Variants in SWT1 observed in about 807,000 individuals in gnomAD.
SWT1 encodes SWT1 RNA endoribonuclease homolog.
Under a neutral mutation model 107.3 loss-of-function variants are expected in SWT1, and 33 were observed. The ratio of observed to expected loss-of-function variants is 0.31; its 90% confidence interval spans 0.23 to 0.41. SWT1 has a LOEUF of 0.41. SWT1 is among the 10% of genes least tolerant of loss of function. SWT1 has a pLI of 1.00. For missense variants in SWT1, 898 were observed against 1,028.9 expected, an observed-to-expected ratio of 0.87 and a Z score of 1.74; for synonymous variants, 345 against 348.3, an observed-to-expected ratio of 0.99 and a Z score of 0.11.
intron 15 of SWT1, among the ~76,000 whole-genome samples, chr1:185,225,161 A>G (rs747147543): frequency 2.0e-5 from 3 of 152,120 alleles, no homozygotes; most frequent in Non-Finnish European, 4.4e-5. Flanking sequence ...GTTTTTCTGC[A>G]TCTATTGAAA....
intron 18 of SWT1, among the ~76,000 whole-genome samples, chr1:185,288,753 AGAT>A (rs1350021809): frequency 6.6e-6 from 1 of 152,164 alleles, no homozygotes; most frequent in Non-Finnish European, 1.5e-5. Context: ...ATCTCCCAGT[AGAT>A]TAAAAGAGTT....
intron 5 of SWT1, among the ~76,000 whole-genome samples, chr1:185,175,743 G>A (rs1040549525): frequency 7.9e-5 from 12 of 152,040 alleles, no homozygotes; most frequent in African/African-American, 2.9e-4. Flanking sequence ...TTGTATGCTG[G>A]AGAACACTCG....
In SWT1 at chr1:185,214,169, C is replaced by T. The variant is rs182571033; in HGVS notation, c.1973-338C>T. Among the ~76,000 whole-genome samples the T allele has an allele frequency of 3.9e-5, 6 of 152,228 alleles. No individual in the cohort carries two copies. The East Asian group carries it at 1.2e-3, about 29-fold the overall frequency. The stretch of plus-strand genomic sequence containing the variant: ...ACAGTACTCTTATGTGAAATCACCT[C>T]AGCATTGAAATCTGTGGTTTGACTT... On this transcript the variant is annotated intron_variant, in intron 13 of 18. Coordinates refer to ENST00000367500, the MANE Select transcript of SWT1 (RefSeq NM_017673.7).
At chr1:185,235,093 G>T (rs1660769738) in intron 16 of SWT1, among the ~76,000 whole-genome samples, 1 of 152,142 alleles carries the variant, frequency 6.6e-6, no homozygotes, top group South Asian at 2.1e-4. Context: ...CAAAAGAAAA[G>T]TCCAGGACTA....
chr1:185,174,796 T>C lies in SWT1; in HGVS notation c.649T>C (p.Ser217Pro). 1 of 1,611,992 alleles carries C rather than the reference T, an allele frequency of 6.2e-7. No individual in the cohort carries two copies. Among genetic ancestry groups the C allele is most frequent in the Non-Finnish European group, 8.5e-7 (1 of 1,179,526 alleles). Residue 217 changes from serine to proline, a missense_variant, in exon 5 of 19, where the codon TCC becomes CCC. Physicochemically the swap from Ser to Pro is moderately conservative, Grantham distance 74. This residue lies in a region of SWT1 where 382 missense variants were observed against 362.4 expected (regional missense o/e 1.05). Transcript: ENST00000367500. ...AAATCAATTTTCTCAGGATTATAAC[T>C]CCAACAAGATAATTAAGGAACCCTT... ...KRNQFSQDYNSNKIIKEPLGS... is the reference protein window; with the variant it reads ...KRNQFSQDYNPNKIIKEPLGS...
chr1:185,240,512 T>C (rs1411707209), intron 16 of SWT1, among the ~76,000 whole-genome samples: 1 of 152,116 alleles, frequency 6.6e-6, no homozygotes, highest in Non-Finnish European at 1.5e-5. Context: ...TAGTTTTTTT[T>C]CTAGCTGTCA....
intron 10 of SWT1, among the ~76,000 whole-genome samples, chr1:185,201,586 G>T (rs1018174412): frequency 9.9e-5 from 15 of 152,140 alleles, no homozygotes; most frequent in Non-Finnish European, 1.5e-4. Context: ...TGCACCCTTT[G>T]TCTAACCAGT....
intron 5 of SWT1, 99 bp downstream of exon 5, chr1:185,175,212 TTTTTTG>T: frequency 9.2e-7 from 1 of 1,081,374 alleles, no homozygotes; most frequent in Non-Finnish European, 1.2e-6. Flanking sequence ...GTTTTTTTTT[TTTTTTG>T]TTGTTGTTTG....
chr1:185,186,543 A>G (rs947386465), intron 9 of SWT1, among the ~76,000 whole-genome samples: 3 of 152,166 alleles, frequency 2.0e-5, no homozygotes, highest in South Asian at 2.1e-4. Flanking sequence ...ATACATTGCT[A>G]TAGCCACAGG....
intron 16 of SWT1, among the ~76,000 whole-genome samples, chr1:185,239,090 A>G (rs563553162): frequency 3.9e-5 from 6 of 152,166 alleles, no homozygotes; most frequent in Admixed American, 3.9e-4. Flanking sequence ...GGGGCTCGAT[A>G]ATCAGGTGAT....
intron 10 of SWT1, 85 bp from the exon 11 acceptor site, chr1:185,202,569 A>C: frequency 8.5e-7 from 1 of 1,177,166 alleles, no homozygotes; most frequent in Non-Finnish European, 1.2e-6. Flanking sequence ...CCTGCCTCTG[A>C]CTAGATCTCA....
At chr1:185,247,166 T>C (rs1055013400) in intron 16 of SWT1, among the ~76,000 whole-genome samples, 9 of 152,202 alleles carry the variant, frequency 5.9e-5, no homozygotes, top group Admixed American at 2.0e-4. Flanking sequence ...ACCAGACATA[T>C]GTAAAATGCA....
At chr1:185,169,844 G>A (rs1220020874) in intron 4 of SWT1, among the ~76,000 whole-genome samples, 3 of 151,308 alleles carry the variant, frequency 2.0e-5, no homozygotes, top group Admixed American at 6.6e-5. Context: ...CAACACACAA[G>A]TAAAATTTGT....
intron 10 of SWT1, among the ~76,000 whole-genome samples, chr1:185,199,348 G>C (rs1289213183): frequency 1.3e-5 from 2 of 152,240 alleles, no homozygotes; most frequent in Admixed American, 1.3e-4. Flanking sequence ...TAGTGTCGAT[G>C]GTCTTTACAA....
At chr1:185,226,015 T>C (rs1660026433) in intron 15 of SWT1, among the ~76,000 whole-genome samples, 2 of 152,298 alleles carry the variant, frequency 1.3e-5, no homozygotes, top group South Asian at 2.1e-4. Flanking sequence ...AGGTTTTTTT[T>C]TGTTTCAGTC....
At chr1:185,275,973 T>C (rs1240257418) in intron 17 of SWT1, among the ~76,000 whole-genome samples, 1 of 152,154 alleles carries the variant, frequency 6.6e-6, no homozygotes, top group African/African-American at 2.4e-5. Flanking sequence ...TAATTCTAAT[T>C]TTCTGAAAAT....
intron 16 of SWT1, among the ~76,000 whole-genome samples, chr1:185,236,459 G>A (rs922331608): frequency 1.3e-5 from 2 of 152,134 alleles, no homozygotes; most frequent in Non-Finnish European, 2.9e-5. Flanking sequence ...ACAAAAACAA[G>A]CAATGGGGAA....
chr1:185,271,339 A>G lies in SWT1; in HGVS notation c.2458A>G (p.Ser820Gly), dbSNP rs1386586545. The G allele has an allele frequency of 6.6e-7, 1 of 1,523,390 alleles. No individual in the cohort carries two copies. Among genetic ancestry groups the G allele is most frequent in the Non-Finnish European group, 9.1e-7 (1 of 1,098,612 alleles). The allele number at this position is 1,523,390 out of a possible 1,614,324, so 94.4% of individuals were successfully genotyped here. A position where few individuals can be genotyped will look rare whatever the true frequency, so the allele number is the denominator to read the frequency against. The part of the protein sequence containing the change: ...EGIQRILAPN[S>G]NYQDVETLYN... The stretch of plus-strand genomic sequence containing the variant: ...ATTTTTTAGGATTTTGGCCCCAAAC[A>G]GTAATTATCAAGATGTTGAGACCCT... The change falls in exon 17 of 19, where the codon AGT (serine) becomes GGT (glycine). Residue 820 changes from serine to glycine, a missense_variant. Ser to Gly is a moderately conservative substitution (Grantham distance 56, BLOSUM62 0). Transcript: ENST00000367500.
chr1:185,221,806 A>C, intron 14 of SWT1, 43 bp from the exon 15 acceptor site: 1 of 1,392,828 alleles, frequency 7.2e-7, no homozygotes, highest in South Asian at 1.6e-5. Flanking sequence ...CTCCTCTGCA[A>C]ATGAAGAACT....
Sources: allele counts gnomAD v4.1 joint callset (sites outside exome capture counted in the v4.1 genomes callset), GRCh38; gene constraint gnomAD v4.1.1; regional missense constraint gnomAD v4.1.1; transcripts MANE v1.5; gene names NCBI Gene and HGNC (gene_info 2026-07-23, HGNC 2026-07-21).